The following RYR2 variants were observed in gnomAD, a reference collection of about 807,000 sequenced individuals.
RYR2 encodes the protein ryanodine receptor 2.
Under a neutral mutation model 601.1 loss-of-function variants are expected in RYR2, and 227 were observed. The observed-to-expected ratio is 0.38, with a 90% CI of 0.34 to 0.42. The LOEUF (loss-of-function observed/expected upper bound fraction) is 0.42. Among genes scored for constraint, RYR2 ranks in the 10% least tolerant of loss-of-function variants. The pLI, the probability that RYR2 is intolerant of heterozygous loss-of-function variation, is 1.00. For missense variants in RYR2, 4,646 were observed against 6,156.5 expected (o/e 0.75, Z 8.21); for synonymous variants, 2,223 against 2,175.1 (o/e 1.02, Z -0.61).
chr1:237,412,956 G>A lies in RYR2; in HGVS notation c.774-4093G>A, dbSNP rs146831472. On this transcript the variant is annotated intron_variant, in intron 10 of 104. Transcript: ENST00000366574. ...ATTTGATACTTGAAATGCATTGCAG[G>A]GAAAAGGGACAATCCCTTAATGGAG... 4.6e-5 allele frequency among the ~76,000 whole-genome samples: 7 copies of A among 152,168 alleles called. No homozygotes were observed. The East Asian group carries it at 1.4e-3, about 29-fold the overall frequency.
chr1:237,671,855 T>G (rs1052969063), intron 58 of RYR2, among the ~76,000 whole-genome samples: 2 of 152,080 alleles, frequency 1.3e-5, no homozygotes, highest in African/African-American at 4.8e-5. Flanking sequence ...AAATGTTATT[T>G]TCCCACTGCC....
intron 2 of RYR2, among the ~76,000 whole-genome samples, chr1:237,276,289 G>A (rs1290056575): frequency 2.0e-5 from 3 of 152,128 alleles, no homozygotes; most frequent in Non-Finnish European, 2.9e-5. Flanking sequence ...TAGTAGAGAC[G>A]GGGTTTTGCC....
rs752194323 is a variant in RYR2 at position 237,610,225 on chromosome 1, T to A, written c.4684-537T>A. ...TGGAGGTGGAGGAGAAATAAGTAGG[T>A]TTGTTAATGCCTAACATATTCTGTT... On this transcript the variant is annotated intron_variant, in intron 35 of 104. Coordinates refer to ENST00000366574, the MANE Select transcript of RYR2 (RefSeq NM_001035.3). The surrounding 1 kb of genome is among the most constrained non-coding windows in gnomAD (Gnocchi z 4.9). Among the ~76,000 whole-genome samples, 1 of 152,178 alleles carries A rather than the reference T, an allele frequency of 6.6e-6. No homozygotes were observed. The highest frequency in any genetic ancestry group is 1.5e-5 in the Non-Finnish European group (1 of 68,024).
intron 10 of RYR2, among the ~76,000 whole-genome samples, chr1:237,401,312 T>C (rs1257033882): frequency 6.6e-6 from 1 of 152,214 alleles, no homozygotes; most frequent in Non-Finnish European, 1.5e-5. Flanking sequence ...GCACAAGTTA[T>C]GGGCTCAGTT....
intron 62 of RYR2, among the ~76,000 whole-genome samples, chr1:237,687,043 C>A (rs539705364): frequency 1.3e-5 from 2 of 152,130 alleles, no homozygotes; most frequent in South Asian, 4.2e-4. Context: ...AAATAATGTC[C>A]ATATATATAT....
Position 237,655,904 on chromosome 1 carries a change from A to C in RYR2, c.8049A>C (p.Ser2683=). 6.2e-7 allele frequency: 1 copy of C among 1,612,428 alleles called. No homozygotes were observed. The highest frequency in any genetic ancestry group is 1.3e-5 in the African/African-American group (1 of 74,978). The part of the protein sequence containing the change: ...AGALPPDYME[S]NYVSMMEKQS... ...CTTTGCCTCCAGACTACATGGAGTCAAATTATGTCAGTATGATGGAAAAAC... is the reference window on the plus strand; with the variant it reads ...CTTTGCCTCCAGACTACATGGAGTCCAATTATGTCAGTATGATGGAAAAAC... The change falls in exon 53 of 105, where the codon TCA becomes TCC. Residue 2683 remains serine, a synonymous_variant. Coordinates refer to ENST00000366574, the MANE Select transcript of RYR2 (RefSeq NM_001035.3).
intron 24 of RYR2, among the ~76,000 whole-genome samples, chr1:237,517,605 T>C (rs1666678453): frequency 6.6e-6 from 1 of 151,980 alleles, no homozygotes; most frequent in Non-Finnish European, 1.5e-5. Flanking sequence ...TGTTCTAGAC[T>C]GTAAGCTCCA....
chr1:237,362,062 C>T (rs1431855042), intron 4 of RYR2, among the ~76,000 whole-genome samples: 1 of 152,160 alleles, frequency 6.6e-6, no homozygotes, highest in African/African-American at 2.4e-5. Context: ...AATTTCTCTT[C>T]CTGGCTTCCA....
intron 65 of RYR2, among the ~76,000 whole-genome samples, chr1:237,700,874 A>G (rs1687909958): frequency 6.6e-6 from 1 of 152,248 alleles, no homozygotes; most frequent in Non-Finnish European, 1.5e-5. Flanking sequence ...AATAATGTGA[A>G]GACGACTGAG....
intron 17 of RYR2, among the ~76,000 whole-genome samples, chr1:237,478,415 G>T (rs1231592714): frequency 6.6e-6 from 1 of 152,106 alleles, no homozygotes; most frequent in African/African-American, 2.4e-5. Context: ...CTACAAATGT[G>T]CTTATTAAAT....
intron 1 of RYR2, among the ~76,000 whole-genome samples, chr1:237,170,947 G>T (rs1038476734): frequency 5.9e-5 from 9 of 152,152 alleles, no homozygotes; most frequent in Admixed American, 3.3e-4. Flanking sequence ...TTCCAGGAGG[G>T]ATATTGTTTA....
At chr1:237,808,467 C>A (rs1191038479) in intron 99 of RYR2, among the ~76,000 whole-genome samples, 1 of 151,862 alleles carries the variant, frequency 6.6e-6, no homozygotes, top group African/African-American at 2.4e-5. Context: ...TCGAGACCAG[C>A]CTGACAAACA....
chr1:237,666,432 G>C (rs964403576), intron 56 of RYR2, 80 bp from the exon 57 acceptor site: 2 of 1,218,920 alleles, frequency 1.6e-6, no homozygotes, highest in African/African-American at 3.1e-5. Flanking sequence ...GGAAATTTGT[G>C]CCATATTTTT....
intron 4 of RYR2, among the ~76,000 whole-genome samples, chr1:237,359,484 G>A (rs1699588545): frequency 6.6e-6 from 1 of 152,110 alleles, no homozygotes; most frequent in Admixed American, 6.6e-5. Context: ...TGCTTGTCTA[G>A]GGTGCGTTTA....
intron 8 of RYR2, 52 bp downstream of exon 8, chr1:237,377,487 C>A: frequency 2.2e-6 from 3 of 1,334,570 alleles, no homozygotes; most frequent in South Asian, 2.4e-5. Context: ...AATGACAAGT[C>A]AATAAAATGA....
In RYR2 at chr1:237,792,111, A is replaced by G. The variant is rs1553327014; in HGVS notation, c.13570A>G (p.Thr4524Ala). ...NFILLFYKVS[T>A]SSVVEGKELP... Reference sequence around the variant, plus strand: ...TTTAAATGCTTTGAATCAGGTCTCCACTTCTTCTGTGGTTGAAGGAAAGGA... The same window carrying G: ...TTTAAATGCTTTGAATCAGGTCTCCGCTTCTTCTGTGGTTGAAGGAAAGGA... The change falls in exon 94 of 105, where the codon ACT becomes GCT. Residue 4524 changes from threonine to alanine, a missense_variant. Thr to Ala is a moderately conservative substitution (Grantham distance 58). This residue lies in a region of RYR2 where 364 missense variants were observed against 442.9 expected (regional missense o/e 0.82). Transcript: ENST00000366574. The G allele has an allele frequency of 1.3e-6, 2 of 1,592,600 alleles. No individual in the cohort carries two copies. Among genetic ancestry groups the G allele is most frequent in the South Asian group, 2.3e-5 (2 of 87,678 alleles).
rs1694966112 is a variant in RYR2, at chr1:237,779,958, A to C, written c.11880+1188A>C. Among the ~76,000 whole-genome samples, 3 of 152,290 alleles carry C rather than the reference A, an allele frequency of 2.0e-5. No homozygotes were observed. In the South Asian group the frequency reaches 6.2e-4, roughly 32 times the overall value. On this transcript the variant is annotated intron_variant, in intron 88 of 104. Coordinates refer to ENST00000366574, the MANE Select transcript of RYR2 (RefSeq NM_001035.3). ...GTGATTAGACCAGCTATGTCTGCTA[A>C]CTGGCAATTGTCAAAGTTAGTTAGT... is the stretch of plus-strand genomic sequence containing the variant.
chr1:237,648,348 T>G (rs1682382470), intron 48 of RYR2, 96 bp from the exon 49 acceptor site: 15 of 1,079,708 alleles, frequency 1.4e-5, no homozygotes, highest in Non-Finnish European at 1.8e-5. Context: ...CATTGAAAAC[T>G]GTGTTTAAAA....
intron 84 of RYR2, among the ~76,000 whole-genome samples, chr1:237,768,508 A>G (rs866763620): frequency 1.3e-5 from 2 of 152,308 alleles, no homozygotes; most frequent in Middle Eastern, 6.8e-3. Context: ...AATGAAACCA[A>G]AGGGATGTCC....
Sources: allele counts gnomAD v4.1 joint callset (sites outside exome capture counted in the v4.1 genomes callset), GRCh38; gene constraint gnomAD v4.1.1; regional missense constraint gnomAD v4.1.1; non-coding constraint Gnocchi (gnomAD v3.1); transcripts MANE v1.5; gene names NCBI Gene and HGNC (gene_info 2026-07-23, HGNC 2026-07-21).